Variants in RARB observed in about 807,000 individuals in gnomAD.
RARB encodes HBV-activated protein.
In RARB, 17 loss-of-function variants were observed where a neutral mutation model predicts 51.9. The ratio of observed to expected loss-of-function variants is 0.33; its 90% CI spans 0.22 to 0.49. The LOEUF (loss-of-function observed/expected upper bound fraction) is 0.49. RARB is among the 20% of genes least tolerant of loss of function. RARB has a pLI of 0.99. For synonymous variants in RARB, 215 were observed against 195.4 expected, an observed-to-expected ratio of 1.10 and a Z score of -0.84; for missense variants, 369 against 550.8, an observed-to-expected ratio of 0.67 and a Z score of 3.30.
At chr3:24,913,958 C>G (rs1695053779) in intron 2 of RARB, among the ~76,000 whole-genome samples, 2 of 152,200 alleles carry the variant, frequency 1.3e-5, no homozygotes, top group Non-Finnish European at 2.9e-5. Context: ...ATCAGCTTGT[C>G]TGGCTTTTTC....
At chr3:25,381,801 C>G (rs1706634265) in intron 5 of RARB, among the ~76,000 whole-genome samples, 1 of 152,186 alleles carries the variant, frequency 6.6e-6, no homozygotes, top group Non-Finnish European at 1.5e-5. Flanking sequence ...GAATGAGAAA[C>G]CTGGAGGGTG....
intron 4 of RARB, among the ~76,000 whole-genome samples, chr3:25,577,861 G>A (rs1246848713): frequency 1.5e-5 from 2 of 129,298 alleles, no homozygotes; most frequent in East Asian, 4.7e-4. Flanking sequence ...CCATGGGCGC[G>A]ACCCTCCATA....
At chr3:25,084,881 A>G (rs560716720) in intron 3 of RARB, among the ~76,000 whole-genome samples, 1 of 152,102 alleles carries the variant, frequency 6.6e-6, no homozygotes, top group Non-Finnish European at 1.5e-5. Context: ...ACCAGCTTGT[A>G]TAAACCCTAC....
chr3:25,195,221 A>G (rs1225241673), intron 5 of RARB, among the ~76,000 whole-genome samples: 5 of 151,926 alleles, frequency 3.3e-5, no homozygotes. Context: ...TCACCTGAAG[A>G]TATCCATTTC....
intron 2 of RARB, among the ~76,000 whole-genome samples, chr3:24,935,944 A>G (rs1252536167): frequency 6.6e-6 from 1 of 152,092 alleles, no homozygotes; most frequent in Admixed American, 6.6e-5. Context: ...GAGTAGGTAA[A>G]TTTTGTTTCA....
intron 5 of RARB, among the ~76,000 whole-genome samples, chr3:25,180,832 A>G (rs200181596): frequency 1.3e-5 from 2 of 152,364 alleles, no homozygotes; most frequent in East Asian, 1.9e-4. Context: ...TTATTTGAAC[A>G]CATCCAAAAA....
chr3:25,424,371 C>T (rs1407851054), upstream of RARB, among the ~76,000 whole-genome samples: 1 of 152,162 alleles, frequency 6.6e-6, no homozygotes, highest in African/African-American at 2.4e-5. Context: ...ACTTCCCCCG[C>T]TCCCTTCCAA....
intron 2 of RARB, among the ~76,000 whole-genome samples, chr3:25,479,155 C>CT (rs201692330): frequency 0.044 from 6,424 of 146,964 alleles, 161 homozygotes; most frequent in Middle Eastern, 0.066. Context: ...TGTCTGTCTT[C>CT]TTTTTTTTTT....
intron 3 of RARB, among the ~76,000 whole-genome samples, chr3:25,100,648 T>C (rs996676960): frequency 9.2e-5 from 14 of 152,186 alleles, no homozygotes; most frequent in African/African-American, 3.4e-4. Context: ...TAATGAGAGA[T>C]AACTCTGCTA....
chr3:25,103,713 A>G (rs1392254207), intron 3 of RARB, among the ~76,000 whole-genome samples: 2 of 152,178 alleles, frequency 1.3e-5, no homozygotes, highest in African/African-American at 4.8e-5. Flanking sequence ...AGTTCCATGA[A>G]TTGAATGTTG....
intron 3 of RARB, among the ~76,000 whole-genome samples, chr3:25,131,580 T>G (rs1196775179): frequency 6.6e-6 from 1 of 152,010 alleles, no homozygotes; most frequent in Admixed American, 6.6e-5. Flanking sequence ...TCTCAAAGTT[T>G]CTCATTTGCT....
chr3:25,396,142 C>A (rs1485244355), intron 5 of RARB, among the ~76,000 whole-genome samples: 1 of 152,192 alleles, frequency 6.6e-6, no homozygotes, highest in Non-Finnish European at 1.5e-5. Context: ...CTGGGTCTAG[C>A]CACCCAGCAG....
At chr3:25,185,906 A>G (rs1700963498) in intron 5 of RARB, among the ~76,000 whole-genome samples, 1 of 152,120 alleles carries the variant, frequency 6.6e-6, no homozygotes, top group African/African-American at 2.4e-5. Context: ...AATTGCTGCA[A>G]AGGCTAACAT....
At chr3:24,863,816 G>A (rs955760267) in intron 2 of RARB, among the ~76,000 whole-genome samples, 8 of 150,870 alleles carry the variant, frequency 5.3e-5, no homozygotes, top group African/African-American at 9.8e-5. Context: ...TGATAAAATC[G>A]AGATTATGAA....
At position 25,359,812 on chromosome 3, in the gene RARB, T is replaced by G. The variant is rs568061898; in HGVS notation, c.179-101381T>G. Among the ~76,000 whole-genome samples the G allele has an allele frequency of 3.9e-5, 6 of 152,360 alleles. No individual in the cohort carries two copies. The South Asian group carries it at 1.2e-3, about 32-fold the overall frequency. ...GAGTGAGTTTCTTAATCCTGAGTTC[T>G]AATGTGATTGTACTGTGGTCTGAGA... On this transcript the variant is annotated intron_variant, in intron 5 of 11. Coordinates refer to the RARB transcript ENST00000383772.
intron 3 of RARB, among the ~76,000 whole-genome samples, chr3:25,561,677 A>G (rs991150074): frequency 3.9e-5 from 6 of 152,142 alleles, no homozygotes; most frequent in Non-Finnish European, 7.3e-5. Context: ...ATTTTACATA[A>G]CATTTTAAGA....
intron 2 of RARB, among the ~76,000 whole-genome samples, chr3:24,972,231 G>C (rs915205959): frequency 2.0e-5 from 3 of 151,978 alleles, no homozygotes; most frequent in African/African-American, 4.8e-5. Context: ...ATATGAGTGA[G>C]AACATGTGAT....
At chr3:25,569,632 C>T in intron 3 of RARB, 126 bp from the exon 4 acceptor site, 1 of 1,146,734 alleles carries the variant, frequency 8.7e-7, no homozygotes, top group Non-Finnish European at 1.2e-6. Flanking sequence ...ATTACCACCT[C>T]TTCCCACTGT....
At chr3:24,903,464 C>T (rs968921521) in intron 2 of RARB, among the ~76,000 whole-genome samples, 2 of 152,092 alleles carry the variant, frequency 1.3e-5, no homozygotes, top group African/African-American at 4.8e-5. Context: ...TATTTGTAAT[C>T]ACAATATATT....
Sources: allele counts gnomAD v4.1 joint callset (sites outside exome capture counted in the v4.1 genomes callset), GRCh38; gene constraint gnomAD v4.1.1; transcripts MANE v1.5; gene names NCBI Gene and HGNC (gene_info 2026-07-23, HGNC 2026-07-21).